Variants in N4BP2 observed in about 807,000 individuals in gnomAD.
The protein encoded by N4BP2 is NEDD4 binding protein 2, also known as NEDD4-binding protein 2.
A neutral mutation model predicts 152.8 loss-of-function variants in N4BP2; 91 were observed. The ratio of observed to expected loss-of-function variants is 0.60; its 90% CI spans 0.50 to 0.71. The LOEUF (loss-of-function observed/expected upper bound fraction) is 0.71, where lower values mean the gene tolerates loss of function less well. N4BP2 is among the 30% of genes least tolerant of loss of function. N4BP2 has a pLI of 0.00. For missense variants in N4BP2, 1,923 were observed against 2,059.1 expected (o/e 0.93, Z 1.28); for synonymous variants, 646 against 705.3 (o/e 0.92, Z 1.33).
At chr4:40,167,428 A>T in the N4BP2 span, 1 of 152,222 alleles carries the variant, frequency 6.6e-6, no homozygotes, top group African/African-American at 2.4e-5. Context: ...AAAAATATAT[A>T]AGATTCCAGA....
At chr4:40,101,121 A>G (rs895945249) in intron 3 of N4BP2, among the ~76,000 whole-genome samples, 19 of 152,054 alleles carry the variant, frequency 1.2e-4, no homozygotes, top group African/African-American at 3.9e-4. Flanking sequence ...TTGTGCTTCT[A>G]TGGCATTTGT....
At chr4:40,096,403 C>T (rs1246946063) in intron 2 of N4BP2, among the ~76,000 whole-genome samples, 2 of 152,064 alleles carry the variant, frequency 1.3e-5, no homozygotes, top group Non-Finnish European at 2.9e-5. Flanking sequence ...CAGGGGAGAA[C>T]ATTGCTGGTG....
At chr4:40,140,320 A>G (rs867522435) in intron 14 of N4BP2, among the ~76,000 whole-genome samples, 1 of 152,186 alleles carries the variant, frequency 6.6e-6, no homozygotes, top group Non-Finnish European at 1.5e-5. Context: ...TAGATGCAGC[A>G]TATTATAAAA....
chr4:40,121,171 G>A lies in N4BP2; in HGVS notation c.3060G>A (p.Gln1020=). The part of the protein sequence containing the change: ...EVGMCTQTEP[Q]DFALLWKIEK... ...GCATGTGCACCCAGACTGAACCACA[G>A]GATTTTGCTCTTTTATGGAAAATAG... is the stretch of plus-strand genomic sequence containing the variant. The change falls in exon 9 of 18, where the codon CAG becomes CAA. Residue 1020 remains glutamine, a synonymous_variant. Coordinates refer to ENST00000261435, the MANE Select transcript of N4BP2 (RefSeq NM_018177.6). The A allele has an allele frequency of 6.2e-7, 1 of 1,614,074 alleles. No homozygotes were observed. The highest frequency in any genetic ancestry group is 8.5e-7 in the Non-Finnish European group (1 of 1,180,018).
chr4:40,092,331 T>G (rs1714683747), intron 2 of N4BP2, among the ~76,000 whole-genome samples: 1 of 151,582 alleles, frequency 6.6e-6, no homozygotes, highest in Non-Finnish European at 1.5e-5. Context: ...TCTTTATAAA[T>G]TATAGTGATT....
At chr4:40,109,094 C>T (rs916461529) in intron 5 of N4BP2, among the ~76,000 whole-genome samples, 9 of 152,150 alleles carry the variant, frequency 5.9e-5, no homozygotes, top group Admixed American at 5.9e-4. Context: ...GGATTACAGA[C>T]ATGAGCCACC....
intron 3 of N4BP2, among the ~76,000 whole-genome samples, chr4:40,098,932 T>TA (rs1376709350): frequency 6.6e-6 from 1 of 152,332 alleles, no homozygotes; most frequent in East Asian, 1.9e-4. Flanking sequence ...TATGTTGCTG[T>TA]AATCTGTATT....
intron 5 of N4BP2, among the ~76,000 whole-genome samples, chr4:40,107,518 G>A (rs531141327): frequency 6.6e-6 from 1 of 151,930 alleles, no homozygotes; most frequent in East Asian, 1.9e-4. Flanking sequence ...TGAGTAGCTG[G>A]GATTACAGGT....
At chr4:40,146,640 A>T (rs980577978) in intron 16 of N4BP2, among the ~76,000 whole-genome samples, 5 of 152,230 alleles carry the variant, frequency 3.3e-5, no homozygotes, top group Non-Finnish European at 7.3e-5. Flanking sequence ...TAGCACATAC[A>T]TCACCTATTG....
chr4:40,151,846 A>G (rs1721178672), intron 16 of N4BP2, among the ~76,000 whole-genome samples: 1 of 152,224 alleles, frequency 6.6e-6, no homozygotes, highest in African/African-American at 2.4e-5. Flanking sequence ...CAGGCTGAAT[A>G]TCATCTTGGA....
At chr4:40,084,496 C>T (rs760029381) in intron 2 of N4BP2, among the ~76,000 whole-genome samples, 20 of 149,416 alleles carry the variant, frequency 1.3e-4, no homozygotes, top group South Asian at 2.1e-4. Flanking sequence ...AGTGCAGTGG[C>T]ACAATCTCAG....
chr4:40,085,283 G>T (rs537205300), intron 2 of N4BP2, among the ~76,000 whole-genome samples: 2 of 151,532 alleles, frequency 1.3e-5, no homozygotes, highest in Non-Finnish European at 2.9e-5. Flanking sequence ...CAATCTGCCC[G>T]CCTCAGCCTC....
At position 40,121,368 on chromosome 4, in the gene N4BP2, C is replaced by T. The variant is rs1483425781; in HGVS notation, c.3257C>T (p.Ala1086Val). Reference protein sequence around the residue: ...TFVEESELTSADESENLNILC... With the variant: ...TFVEESELTSVDESENLNILC... ...GTTGAAGAAAGTGAGCTTACCAGTG[C>T]AGATGAATCTGAAAATCTTAACATT... is the stretch of plus-strand genomic sequence containing the variant. The change falls in exon 9 of 18, where the codon GCA (alanine) becomes GTA (valine). Residue 1086 changes from alanine to valine, a missense_variant. Physicochemically the swap from Ala to Val is moderately conservative, Grantham distance 64. Transcript: ENST00000261435. 3.1e-6 allele frequency: 5 copies of T among 1,613,274 alleles called. No homozygotes were observed. Among genetic ancestry groups the T allele is most frequent in the Non-Finnish European group, 3.4e-6 (4 of 1,179,800 alleles).
intron 5 of N4BP2, among the ~76,000 whole-genome samples, chr4:40,107,962 T>C (rs368859809): frequency 1.7e-3 from 252 of 151,830 alleles, no homozygotes; most frequent in African/African-American, 5.7e-3. Flanking sequence ...CTCGCTCTGT[T>C]GCCCTGGCTG....
intron 2 of N4BP2, among the ~76,000 whole-genome samples, chr4:40,088,536 T>C (rs1036894277): frequency 6.6e-6 from 1 of 151,914 alleles, no homozygotes; most frequent in Non-Finnish European, 1.5e-5. Flanking sequence ...GTTTCGCTCT[T>C]GTTGCCCGGG....
At chr4:40,131,464 A>G (rs536082278) in intron 12 of N4BP2, among the ~76,000 whole-genome samples, 5 of 152,208 alleles carry the variant, frequency 3.3e-5, no homozygotes, top group South Asian at 4.1e-4. Flanking sequence ...ATATGCCTCT[A>G]TATCTTCATC....
At position 40,144,879 on chromosome 4, in the gene N4BP2, G is replaced by C. The variant is rs577801911; in HGVS notation, c.5143+79G>C. On this transcript the variant is annotated intron_variant, in intron 16 of 17. Coordinates refer to ENST00000261435, the MANE Select transcript of N4BP2 (RefSeq NM_018177.6). The stretch of plus-strand genomic sequence containing the variant: ...TGGTATAGCTTGCAAATTCAGGAGA[G>C]TCTGAATATGCAGGCTGAGAATATC... The C allele has an allele frequency of 2.8e-5, 30 of 1,090,458 alleles. No individual in the cohort carries two copies. The African/African-American group carries it at 4.0e-4, about 14-fold the overall frequency. The allele number at this position is 1,090,458 out of a possible 1,614,324, so 67.5% of individuals were successfully genotyped here.
chr4:40,113,989 T>C (rs1226591465), intron 7 of N4BP2, among the ~76,000 whole-genome samples: 1 of 152,168 alleles, frequency 6.6e-6, no homozygotes, highest in Non-Finnish European at 1.5e-5. Context: ...AGGGGCGAAT[T>C]GTCGTAGCTG....
chr4:40,078,353 G>A (rs1400701655), intron 2 of N4BP2, among the ~76,000 whole-genome samples: 1 of 151,886 alleles, frequency 6.6e-6, no homozygotes, highest in Non-Finnish European at 1.5e-5. Flanking sequence ...GGCCAGGCAG[G>A]TCTTGAACTC....
Sources: allele counts gnomAD v4.1 joint callset (sites outside exome capture counted in the v4.1 genomes callset), GRCh38; gene constraint gnomAD v4.1.1; transcripts MANE v1.5; gene names NCBI Gene and HGNC (gene_info 2026-07-23, HGNC 2026-07-21).